Variants in BBX observed in about 807,000 individuals in gnomAD.
The protein encoded by BBX is HMG box transcription factor BBX.
In BBX, 30 loss-of-function variants were observed where a neutral mutation model predicts 100.2. The observed-to-expected ratio is 0.30, with a 90% confidence interval of 0.22 to 0.41. The LOEUF is 0.41. Ranked by LOEUF, BBX falls within the 10% of genes least tolerant of loss-of-function variation. The probability of loss-of-function intolerance (pLI) is 1.00; values close to 1 mark genes in which losing one functional copy is unlikely to be tolerated. For synonymous variants in BBX, 376 were observed against 388.1 expected (o/e 0.97, Z 0.37); for missense variants, 1,023 against 1,129.8 (o/e 0.91, Z 1.35).
At chr3:107,736,332 G>T (rs148353557) in intron 7 of BBX, among the ~76,000 whole-genome samples, 12 of 151,952 alleles carry the variant, frequency 7.9e-5, no homozygotes, top group African/African-American at 2.7e-4. Context: ...TAAAATGTAA[G>T]TACCAGACAA....
intron 17 of BBX, among the ~76,000 whole-genome samples, chr3:107,801,619 C>T (rs916008221): frequency 1.3e-5 from 2 of 152,070 alleles, no homozygotes; most frequent in Admixed American, 6.6e-5. Context: ...ACCTGCAAAC[C>T]GAAAGATCTT....
At chr3:107,598,403 C>G (rs560774711) in intron 2 of BBX, among the ~76,000 whole-genome samples, 1 of 152,174 alleles carries the variant, frequency 6.6e-6, no homozygotes, top group South Asian at 2.1e-4. Flanking sequence ...TGTAGCTTAT[C>G]CCCCTTTATA....
At chr3:107,564,664 C>G (rs774028580) in intron 2 of BBX, among the ~76,000 whole-genome samples, 50 of 152,094 alleles carry the variant, frequency 3.3e-4, no homozygotes, top group Non-Finnish European at 7.1e-4. Context: ...GCTTTTATCA[C>G]GTACAAATGT....
chr3:107,613,691 T>A (rs746120651), intron 2 of BBX, among the ~76,000 whole-genome samples: 24 of 152,072 alleles, frequency 1.6e-4, no homozygotes, highest in Non-Finnish European at 2.9e-4. Context: ...TCAATACATA[T>A]GCTTTTTGTT....
chr3:107,679,523 A>G (rs528320349), intron 3 of BBX, among the ~76,000 whole-genome samples: 69 of 152,276 alleles, frequency 4.5e-4, no homozygotes, highest in African/African-American at 1.6e-3. Flanking sequence ...AGGCACAACA[A>G]TAGCACTGGG....
At chr3:107,529,421 G>T (rs2048000375) in intron 2 of BBX, among the ~76,000 whole-genome samples, 2 of 152,180 alleles carry the variant, frequency 1.3e-5, no homozygotes, top group South Asian at 2.1e-4. Context: ...ACTTTACTAA[G>T]GACATTGTAA....
chr3:107,683,522 AT>A (rs2059679049), intron 3 of BBX, among the ~76,000 whole-genome samples: 1 of 152,190 alleles, frequency 6.6e-6, no homozygotes. Context: ...ATGCAATGGT[AT>A]ACACATTGCT....
Position 107,744,645 on chromosome 3 carries a change from T to C in BBX, c.685T>C (p.Cys229Arg), listed in dbSNP as rs777293431. The change falls in exon 8 of 18, where the codon TGC becomes CGC. Residue 229 changes from cysteine to arginine, a missense_variant. By Grantham distance (180) the Cys-to-Arg change is radical (BLOSUM62 -3). Around this residue, in one of 9 missense-constraint regions of BBX, gnomAD observed 95 missense variants for 95.1 expected, o/e 1.00. Transcript: ENST00000325805. ...LGTPEVSSGT[C>R]RPDVSESPEL... ...TTTGTTTCAGGTATCCTCTGGCACA[T>C]GCAGGCCTGATGTTTCAGAATCTCC... 2 of 1,613,208 alleles carry C rather than the reference T, an allele frequency of 1.2e-6. No homozygotes were observed. The highest frequency in any genetic ancestry group is 2.2e-5 in the East Asian group (1 of 44,804).
Position 107,772,819 on chromosome 3 carries a change from T to G in BBX, c.1098T>G (p.Asp366Glu). The G allele has an allele frequency of 6.2e-7, 1 of 1,613,554 alleles. No individual in the cohort carries two copies. Among genetic ancestry groups the G allele is most frequent in the Non-Finnish European group, 8.5e-7 (1 of 1,179,870 alleles). The part of the protein sequence containing the change: ...FEKSAKENLR[D>E]SKELRNFEAL... The stretch of plus-strand genomic sequence containing the variant: ...AATCGGCTAAGGAAAATTTAAGAGA[T>G]TCTAAGGAATTGAGAAATTTTGAGG... The change falls in exon 11 of 18, where the codon GAT becomes GAG. Residue 366 changes from aspartate (D) to glutamate (E), a missense_variant. This residue lies in a region of BBX where 348 missense variants were observed against 353.2 expected (regional missense o/e 0.99). Transcript: ENST00000325805.
chr3:107,660,381 C>G (rs1030700311), intron 3 of BBX, among the ~76,000 whole-genome samples: 2 of 151,648 alleles, frequency 1.3e-5, no homozygotes, highest in South Asian at 4.2e-4. Flanking sequence ...TAGTCTCTTT[C>G]CTGCATTGTG....
chr3:107,789,616 T>C, intron 13 of BBX, among the ~76,000 whole-genome samples, 171 bp from the exon 14 acceptor site: 1 of 152,094 alleles, frequency 6.6e-6, no homozygotes, highest in East Asian at 1.9e-4. Context: ...TAAATAAGCC[T>C]AAAAAGGGGG....
chr3:107,798,843 A>C (rs571303652), intron 16 of BBX, 123 bp downstream of exon 16: 10 of 1,085,488 alleles, frequency 9.2e-6, no homozygotes, highest in Admixed American at 5.6e-5. Flanking sequence ...GCTAAAAAAA[A>C]AAAAAAACAA....
At chr3:107,754,980 G>A (rs1466714687) in intron 9 of BBX, among the ~76,000 whole-genome samples, 2 of 152,134 alleles carry the variant, frequency 1.3e-5, no homozygotes, top group Non-Finnish European at 2.9e-5. Flanking sequence ...TGTTAATGTT[G>A]TACATATGTT....
At chr3:107,698,496 A>G (rs2060819398) in intron 3 of BBX, among the ~76,000 whole-genome samples, 1 of 151,386 alleles carries the variant, frequency 6.6e-6, no homozygotes, top group African/African-American at 2.4e-5. Context: ...ACTAAAAATA[A>G]CAAAAATTAG....
At chr3:107,716,927 C>T (rs2062148383) in intron 5 of BBX, 78 bp downstream of exon 5, 1 of 1,523,288 alleles carries the variant, frequency 6.6e-7, no homozygotes, top group Admixed American at 1.8e-5. Context: ...TATGAAGCAC[C>T]TGTTGAAGGT....
chr3:107,712,501 A>G (rs1226163166), intron 4 of BBX, among the ~76,000 whole-genome samples: 1 of 152,164 alleles, frequency 6.6e-6, no homozygotes, highest in East Asian at 1.9e-4. Context: ...TGTAGTTCAT[A>G]CTTTGCTGCT....
intron 17 of BBX, among the ~76,000 whole-genome samples, chr3:107,804,076 G>A (rs987479220): frequency 6.6e-6 from 1 of 151,558 alleles, no homozygotes. Flanking sequence ...TTGAACAGGT[G>A]GTATCTATAA....
At chr3:107,695,561 G>C (rs1306425266) in intron 3 of BBX, among the ~76,000 whole-genome samples, 4 of 149,614 alleles carry the variant, frequency 2.7e-5, no homozygotes, top group African/African-American at 5.0e-5. Context: ...GTCTGAGAGA[G>C]AGTTTGTTAT....
chr3:107,710,028 GC>G (rs2061620360), intron 3 of BBX, among the ~76,000 whole-genome samples: 1 of 152,234 alleles, frequency 6.6e-6, no homozygotes, highest in South Asian at 2.1e-4. Flanking sequence ...TGCCTGGGGG[GC>G]AAGCCCCTGT....
Sources: allele counts gnomAD v4.1 joint callset (sites outside exome capture counted in the v4.1 genomes callset), GRCh38; gene constraint gnomAD v4.1.1; regional missense constraint gnomAD v4.1.1; transcripts MANE v1.5; gene names NCBI Gene and HGNC (gene_info 2026-07-23, HGNC 2026-07-21).